Variants in SH3D19 observed in about 807,000 individuals in gnomAD.
SH3D19 encodes the protein SH3 domain containing 19, also known as SH3 domain-containing protein 19.
SH3D19 carries 58 observed loss-of-function variants against 112.1 expected under a neutral mutation model. The ratio of observed to expected loss-of-function variants is 0.52; its 90% CI spans 0.42 to 0.64. The LOEUF (loss-of-function observed/expected upper bound fraction) is 0.64, where lower values mean the gene tolerates loss of function less well. SH3D19 is among the 30% of genes least tolerant of loss of function. SH3D19 has a pLI of 0.00. For synonymous variants in SH3D19, 391 were observed against 448.5 expected (o/e 0.87, Z 1.62); for missense variants, 1,090 against 1,263.4 (o/e 0.86, Z 2.08).
intron 2 of SH3D19, among the ~76,000 whole-genome samples, chr4:151,216,051 G>A (rs1334364878): frequency 1.3e-5 from 2 of 152,052 alleles, no homozygotes; most frequent in Non-Finnish European, 2.9e-5. Context: ...GGCTGGTCTC[G>A]AACTCCTGAC....
chr4:151,183,708 TC>T (rs1424683399), intron 3 of SH3D19, among the ~76,000 whole-genome samples: 1 of 152,190 alleles, frequency 6.6e-6, no homozygotes, highest in East Asian at 1.9e-4. Flanking sequence ...GAATGAATGA[TC>T]AATGAACTAA....
At position 151,175,004 on chromosome 4, in the gene SH3D19, C is replaced by T. The variant is rs760518768; in HGVS notation, c.1200G>A (p.Pro400=). 3.6e-5 allele frequency: 58 copies of T among 1,614,068 alleles called. No individual in the cohort carries two copies. Among genetic ancestry groups the T allele is most frequent in the African/African-American group, 6.7e-5 (5 of 74,920 alleles). The part of the protein sequence containing the change: ...GLIRSVNPEI[P]GRGPLAESSD... ...AGCTCTCAGCCAGGGGCCCTCTTCC[C>T]GGAATCTCAGGATTAACACTTCGTA... Residue 400 remains proline (P), a synonymous_variant, in exon 7 of 20, where the codon CCG becomes CCA. Coordinates refer to ENST00000604030, the MANE Select transcript of SH3D19 (RefSeq NM_001378122.1).
chr4:151,316,904 A>G (rs1018477380), intron 1 of SH3D19, among the ~76,000 whole-genome samples: 4 of 152,178 alleles, frequency 2.6e-5, no homozygotes, highest in African/African-American at 9.7e-5. Flanking sequence ...ACCCTGCCCT[A>G]TGCCCTGAAA....
intron 1 of SH3D19, among the ~76,000 whole-genome samples, chr4:151,323,653 A>G (rs1730763968): frequency 6.6e-6 from 1 of 152,248 alleles, no homozygotes; most frequent in Non-Finnish European, 1.5e-5. Flanking sequence ...ACTGAATGCA[A>G]AAAGTACACA....
In SH3D19 at chr4:151,174,791, TG is replaced by T; in HGVS notation, c.1412del (p.Pro471GlnfsTer41). 2.6e-6 allele frequency: 4 copies of T among 1,557,030 alleles called. No individual in the cohort carries two copies. The highest frequency in any genetic ancestry group is 2.0e-5 in the Admixed American group (1 of 51,264). On this transcript the variant is annotated frameshift_variant, in exon 7 of 20. Coordinates refer to ENST00000604030, the MANE Select transcript of SH3D19 (RefSeq NM_001378122.1). LOFTEE classifies it high-confidence loss of function. ...SLGEGPPANP[P>X]VPVLQSKPLV... is the part of the protein sequence containing the mutation. The stretch of plus-strand genomic sequence containing the variant: ...AGGGCTTGCTCTGCAGAACTGGAAC[TG>T]GGGGGTTGGCTGGGGGCCCTTCTCC...
intron 1 of SH3D19, among the ~76,000 whole-genome samples, chr4:151,230,104 G>T (rs1051293294): frequency 7.2e-5 from 11 of 152,188 alleles, no homozygotes; most frequent in Admixed American, 1.3e-4. Context: ...AAGAACTCCA[G>T]ATTATCCACA....
chr4:151,191,062 G>A (rs995855320), intron 2 of SH3D19, among the ~76,000 whole-genome samples: 10 of 152,178 alleles, frequency 6.6e-5, no homozygotes, highest in South Asian at 4.1e-4. Flanking sequence ...AAAGTAGATC[G>A]TTTTGGAGCT....
chr4:151,244,073 C>G (rs1770751759), intron 1 of SH3D19, among the ~76,000 whole-genome samples: 1 of 152,154 alleles, frequency 6.6e-6, no homozygotes, highest in Non-Finnish European at 1.5e-5. Context: ...GTGACTTGAT[C>G]AAACAGTTGG....
In SH3D19 at chr4:151,151,583, T is replaced by C. The variant is rs372711265; in HGVS notation, c.1756-2022A>G. Among the ~76,000 whole-genome samples, 45 of 152,338 alleles carry C rather than the reference T, an allele frequency of 3.0e-4. No individual in the cohort carries two copies. In the East Asian group the frequency reaches 3.1e-3, roughly 10 times the overall value. On this transcript the variant is annotated intron_variant, in intron 9 of 19. Transcript: ENST00000604030. ...CAATAACTGTGATCATTTAAACATG[T>C]TTCAATATTATAAAATCCCATTTTA...
At position 151,226,410 on chromosome 4, in the gene SH3D19, A is replaced by T. The variant is rs1216607610; in HGVS notation, c.113-324T>A. 4 of 1,023,802 alleles carry T rather than the reference A, an allele frequency of 3.9e-6. No homozygotes were observed. The African/African-American group carries it at 6.8e-5, about 17-fold the overall frequency. 63.4% of individuals were successfully genotyped at this position (1,023,802 alleles called of 1,614,324 possible). On this transcript the variant is annotated intron_variant, in intron 1 of 19. Transcript: ENST00000604030. The stretch of plus-strand genomic sequence containing the variant: ...AGAGATTTAGCTAAGGAAAGAAAGC[A>T]AGGAAACTGCAAAGCCACAGATTAC...
Position 151,148,110 on chromosome 4 carries a change from G to T in SH3D19, c.1894C>A (p.Leu632Ile). ...VPPERPPPPK[L>I]SATRRSNKKL... is the part of the protein sequence containing the mutation. ...TTATTAGATCTTCTGGTTGCAGAAAGCTTTGGGGGAGGTGGTCTCTCAGGG... is the reference window on the plus strand; with the variant it reads ...TTATTAGATCTTCTGGTTGCAGAAATCTTTGGGGGAGGTGGTCTCTCAGGG... The change falls in exon 11 of 20, where the codon CTT (leucine) becomes ATT (isoleucine). Residue 632 changes from leucine (L) to isoleucine (I), a missense_variant. Leu to Ile is a conservative substitution (Grantham distance 5, BLOSUM62 2). Transcript: ENST00000604030. 6.2e-7 allele frequency: 1 copy of T among 1,614,104 alleles called. No individual in the cohort carries two copies. The highest frequency in any genetic ancestry group is 8.5e-7 in the Non-Finnish European group (1 of 1,180,004).
At chr4:151,212,885 C>T (rs1278452038) in intron 2 of SH3D19, among the ~76,000 whole-genome samples, 1 of 152,196 alleles carries the variant, frequency 6.6e-6, no homozygotes, top group Admixed American at 6.5e-5. Flanking sequence ...TTAAGAATAT[C>T]TGTGATTCAT....
chr4:151,271,499 T>C (rs1198226238), intron 1 of SH3D19, among the ~76,000 whole-genome samples: 2 of 152,210 alleles, frequency 1.3e-5, no homozygotes, highest in Non-Finnish European at 2.9e-5. Context: ...TATTTTTGGT[T>C]GTCACAACTA....
intron 8 of SH3D19, among the ~76,000 whole-genome samples, chr4:151,161,834 G>A (rs929023811): frequency 1.4e-5 from 2 of 147,980 alleles, no homozygotes; most frequent in Non-Finnish European, 3.0e-5. Context: ...GCATGATCTC[G>A]GCTCACTGCA....
chr4:151,189,020 A>G (rs1762223366), intron 2 of SH3D19, among the ~76,000 whole-genome samples: 1 of 152,214 alleles, frequency 6.6e-6, no homozygotes, highest in African/African-American at 2.4e-5. Context: ...ATCACCTATG[A>G]GTTTCAGAGG....
intron 4 of SH3D19, among the ~76,000 whole-genome samples, chr4:151,178,280 T>C (rs1167700838): frequency 1.3e-5 from 2 of 152,214 alleles, no homozygotes; most frequent in African/African-American, 2.4e-5. Flanking sequence ...CAAGTTTTGA[T>C]TGGAAAACTC....
At chr4:151,162,673 C>T (rs368021613) in intron 8 of SH3D19, among the ~76,000 whole-genome samples, 10 of 148,756 alleles carry the variant, frequency 6.7e-5, no homozygotes, top group African/African-American at 2.0e-4. Flanking sequence ...CAGCTCAACA[C>T]AACCTCCAAA....
At chr4:151,318,319 AAAG>A (rs1678594532) in intron 1 of SH3D19, among the ~76,000 whole-genome samples, 1 of 147,252 alleles carries the variant, frequency 6.8e-6, no homozygotes, top group African/African-American at 2.6e-5. Context: ...AAAAAAAAAA[AAAG>A]AAAGAAAGAA....
intron 1 of SH3D19, among the ~76,000 whole-genome samples, chr4:151,317,120 C>A (rs1431065311): frequency 1.3e-5 from 2 of 152,202 alleles, no homozygotes; most frequent in African/African-American, 4.8e-5. Context: ...AATGTAACTG[C>A]CCTCACCAGG....
Sources: gnomAD v4.1 joint callset for allele counts (sites outside exome capture counted in the v4.1 genomes callset) on GRCh38, gnomAD v4.1.1 for gene constraint, MANE v1.5 for transcripts, NCBI Gene and HGNC (gene_info 2026-07-23, HGNC 2026-07-21) for gene names.